The following NEDD8 variants were observed in gnomAD, a reference collection of about 807,000 sequenced individuals.
NEDD8 encodes ubiquitin-like protein NEDD8.
NEDD8 carries 1 observed loss-of-function variant against 13.8 expected under a neutral mutation model. That is an observed-to-expected ratio of 0.07 (90% CI 0.03 to 0.34). The LOEUF is 0.34. NEDD8 is among the 10% of genes least tolerant of loss of function. NEDD8 has a pLI of 0.99. For synonymous variants in NEDD8, 31 were observed against 33.2 expected (o/e 0.93, Z 0.23); for missense variants, 10 against 95.2 (o/e 0.10, Z 3.73).
rs572790086 is a variant in NEDD8, at chr14:24,223,139, T to C, written c.19-4708A>G. ...ATGGTAGGCTGGGCATGGTAGCATA[T>C]GCCTGTAATCTCAACACTTTGGGAA... On this transcript the variant is annotated intron_variant, in intron 1 of 3. Coordinates refer to ENST00000250495, the MANE Select transcript of NEDD8 (RefSeq NM_006156.3). Among the ~76,000 whole-genome samples, 11 of 148,136 alleles carry C rather than the reference T, an allele frequency of 7.4e-5. No individual in the cohort carries two copies. In the East Asian group the frequency reaches 1.2e-3, roughly 16 times the overall value.
At chr14:24,217,271 TTTTTTG>T in intron 3 of NEDD8, 48 bp from the exon 4 acceptor site, 1 of 1,450,164 alleles carries the variant, frequency 6.9e-7, no homozygotes, top group Non-Finnish European at 9.3e-7. Context: ...GACTTAGGAG[TTTTTTG>T]TTGTTGTTGT....
chr14:24,218,263 TG>T, intron 2 of NEDD8, 48 bp from the exon 3 acceptor site: 1 of 1,613,878 alleles, frequency 6.2e-7, no homozygotes, highest in African/African-American at 1.3e-5. Flanking sequence ...GGTAGGACCA[TG>T]GAAACGGAAA....
chr14:24,221,425 G>A (rs913336893), intron 1 of NEDD8, among the ~76,000 whole-genome samples: 4 of 151,344 alleles, frequency 2.6e-5, no homozygotes, highest in East Asian at 1.9e-4. Context: ...CATCACAGGC[G>A]GGCACCACCA....
intron 1 of NEDD8, among the ~76,000 whole-genome samples, chr14:24,224,991 T>C (rs1421642750): frequency 6.6e-6 from 1 of 151,992 alleles, no homozygotes; most frequent in African/African-American, 2.4e-5. Flanking sequence ...AAATGTCATC[T>C]CTATGAAAAA....
rs796357963 is a variant in NEDD8 at position 24,232,348 on chromosome 14, T to G, written c.-81A>C. On this transcript the variant is annotated 5_prime_UTR_variant, in exon 1 of 4. Transcript: ENST00000250495. ...CGCCGCTGCCGCCCTCCAGCACTCT[T>G]GCCTGCAAGGGCCACTTCTACTTCC... 1 of 1,523,980 alleles carries G rather than the reference T, an allele frequency of 6.6e-7. No individual in the cohort carries two copies. Among genetic ancestry groups the G allele is most frequent in the African/African-American group, 1.4e-5 (1 of 70,446 alleles). 94.4% of individuals were successfully genotyped at this position (1,523,980 alleles called of 1,614,324 possible).
At chr14:24,227,847 C>A (rs2138904278) in intron 1 of NEDD8, 1 of 152,354 alleles carries the variant, frequency 6.6e-6, no homozygotes, top group South Asian at 2.1e-4. Context: ...GTAATCCCAG[C>A]ACTTCGGGAG....
In NEDD8 at chr14:24,218,095, A is replaced by T; in HGVS notation, c.149+38T>A. On this transcript the variant is annotated intron_variant, in intron 3 of 3. Transcript: ENST00000250495. ...CCCCCTCTCCTCTTCTCATCTTCAC[A>T]TAAGATCGCCATGCTGTCATTCTCA... is the stretch of plus-strand genomic sequence containing the variant. 4 of 1,613,288 alleles carry T rather than the reference A, an allele frequency of 2.5e-6. No homozygotes were observed. The South Asian group carries it at 3.3e-5, about 13-fold the overall frequency.
rs1594479602 is a variant in NEDD8 at position 24,216,974 on chromosome 14, A to G, written c.*153T>C. 6 of 656,060 alleles carry G rather than the reference A, an allele frequency of 9.1e-6. No individual in the cohort carries two copies. The Admixed American group carries it at 1.9e-4, about 21-fold the overall frequency. The allele number at this position is 656,060 out of a possible 1,614,324, so 40.6% of individuals were successfully genotyped here. A position where few individuals can be genotyped will look rare whatever the true frequency, so the allele number is the denominator to read the frequency against. ...AGCAAGGGCCCTCTGGGCCAGGAATACTGAATCCTGGGATCCTCACAGTCT... is the reference window on the plus strand; with the variant it reads ...AGCAAGGGCCCTCTGGGCCAGGAATGCTGAATCCTGGGATCCTCACAGTCT... On this transcript the variant is annotated 3_prime_UTR_variant, in exon 4 of 4. Transcript: ENST00000250495.
intron 1 of NEDD8, chr14:24,227,707 G>C (rs2039915577): frequency 6.6e-6 from 1 of 152,202 alleles, no homozygotes; most frequent in Non-Finnish European, 1.5e-5. Context: ...GAACCATAGA[G>C]ACAAGGTAAC....
At chr14:24,221,042 T>A (rs2039799770) in intron 1 of NEDD8, among the ~76,000 whole-genome samples, 1 of 152,220 alleles carries the variant, frequency 6.6e-6, no homozygotes, top group African/African-American at 2.4e-5. Context: ...CCTGTTTGGA[T>A]ATGAAAGAAT....
intron 1 of NEDD8, among the ~76,000 whole-genome samples, chr14:24,222,152 C>T (rs1330305098): frequency 6.6e-6 from 1 of 152,094 alleles, no homozygotes; most frequent in Non-Finnish European, 1.5e-5. Flanking sequence ...ATACCTACAA[C>T]AATGGTTATT....
At chr14:24,232,215 C>G in intron 1 of NEDD8, 35 bp downstream of exon 1, 5 of 1,614,092 alleles carry the variant, frequency 3.1e-6, no homozygotes, top group Non-Finnish European at 3.4e-6. Context: ...CAGCCCAGTA[C>G]TACTGCGTCT....
chr14:24,232,153 C>G (rs182383243), intron 1 of NEDD8, 97 bp downstream of exon 1: 5 of 1,594,004 alleles, frequency 3.1e-6, no homozygotes, highest in Non-Finnish European at 1.7e-6. Flanking sequence ...GTCCTCCAGG[C>G]TAGGGAAAGG....
chr14:24,217,365 C>T (rs189543084), intron 3 of NEDD8, 142 bp from the exon 4 acceptor site: 199 of 650,026 alleles, frequency 3.1e-4, no homozygotes, highest in African/African-American at 2.5e-3. Context: ...TCTCAGCTCA[C>T]TGCAACTTCC....
chr14:24,227,815 C>T (rs1294504844), intron 1 of NEDD8: 1 of 152,226 alleles, frequency 6.6e-6, no homozygotes, highest in African/African-American at 2.4e-5. Flanking sequence ...AATCATTCGG[C>T]TGGGCATGGT....
At chr14:24,221,490 G>A (rs1566665740) in intron 1 of NEDD8, among the ~76,000 whole-genome samples, 2 of 152,058 alleles carry the variant, frequency 1.3e-5, no homozygotes, top group African/African-American at 2.4e-5. Context: ...ATGTTGCCCA[G>A]GCTGGTCTCG....
intron 1 of NEDD8, among the ~76,000 whole-genome samples, chr14:24,225,255 A>G (rs1378150581): frequency 2.0e-5 from 3 of 152,144 alleles, no homozygotes; most frequent in Non-Finnish European, 2.9e-5. Context: ...TCAACAAGAA[A>G]AAAATGGGAA....
At chr14:24,218,027 G>T in intron 3 of NEDD8, 106 bp downstream of exon 3, 1 of 1,448,298 alleles carries the variant, frequency 6.9e-7, no homozygotes, top group Non-Finnish European at 9.5e-7. Context: ...AAGAGTCTTA[G>T]GCACCAAAAA....
Position 24,218,799 on chromosome 14 carries a change from T to G in NEDD8, c.19-368A>C, listed in dbSNP as rs2039751783. On this transcript the variant is annotated intron_variant, in intron 1 of 3. Transcript: ENST00000250495. The stretch of plus-strand genomic sequence containing the variant: ...TTCGCTCTTGTTGACCAGGCTGGAG[T>G]GCAATGGCACAATCTCGGCTCACTG... 7 of 284,876 alleles carry G rather than the reference T, an allele frequency of 2.5e-5. 1 individual carries two copies. The South Asian group carries it at 2.5e-4, about 10-fold the overall frequency. The allele number at this position is 284,876 out of a possible 1,614,324, so 17.6% of individuals were successfully genotyped here. A position where few individuals can be genotyped will look rare whatever the true frequency, so the allele number is the denominator to read the frequency against.
Sources: gnomAD v4.1 joint callset for allele counts (sites outside exome capture counted in the v4.1 genomes callset) on GRCh38, gnomAD v4.1.1 for gene constraint, MANE v1.5 for transcripts, NCBI Gene and HGNC (gene_info 2026-07-23, HGNC 2026-07-21) for gene names.